BABAM2: variants seen among roughly 807,000 people sequenced by gnomAD.
BABAM2 encodes the protein BRISC and BRCA1-A complex member 2.
Under a neutral mutation model 54.7 loss-of-function variants are expected in BABAM2, and 31 were observed. That is an observed-to-expected ratio of 0.57 (90% CI 0.43 to 0.77). The LOEUF is 0.77. BABAM2 is among the 30% of genes least tolerant of loss of function. The probability of loss-of-function intolerance (pLI) is 0.00; values close to 1 mark genes in which losing one functional copy is unlikely to be tolerated. For missense variants in BABAM2, 364 were observed against 455.8 expected (o/e 0.80, Z 1.83); for synonymous variants, 167 against 162.9 (o/e 1.03, Z -0.19).
intron 5 of BABAM2, among the ~76,000 whole-genome samples, chr2:28,035,238 C>T (rs1449066601): frequency 6.6e-6 from 1 of 151,978 alleles, no homozygotes; most frequent in Non-Finnish European, 1.5e-5. Flanking sequence ...CACATTTGTA[C>T]TTTGCATTAT....
intron 3 of BABAM2, among the ~76,000 whole-genome samples, chr2:27,982,844 T>TATACAC (rs1553405520): frequency 0.028 from 3,504 of 127,188 alleles, 53 homozygotes; most frequent in African/African-American, 0.046. Context: ...TCATTATGTG[T>TATACAC]ACACACACAC....
chr2:28,271,377 C>T (rs192496700), intron 10 of BABAM2, among the ~76,000 whole-genome samples: 2 of 152,228 alleles, frequency 1.3e-5, no homozygotes, highest in Non-Finnish European at 2.9e-5. Context: ...CAAGGATTCC[C>T]CAGCCAGTCA....
chr2:27,997,827 C>T (rs947819467), intron 4 of BABAM2, among the ~76,000 whole-genome samples: 12 of 151,998 alleles, frequency 7.9e-5, no homozygotes, highest in African/African-American at 2.2e-4. Context: ...AAATGAGGTA[C>T]GGAGTTGAGT....
At chr2:28,105,606 A>G (rs540835601) in intron 6 of BABAM2, among the ~76,000 whole-genome samples, 1 of 152,364 alleles carries the variant, frequency 6.6e-6, no homozygotes, top group Non-Finnish European at 1.5e-5. Context: ...AAATAGAAAT[A>G]ATAACAGTAT....
chr2:27,981,260 A>G (rs1429829836), intron 3 of BABAM2, among the ~76,000 whole-genome samples: 3 of 152,140 alleles, frequency 2.0e-5, no homozygotes, highest in Non-Finnish European at 2.9e-5. Context: ...CTGTGTCACA[A>G]CTATTCAGTA....
In BABAM2 at chr2:28,148,258, T is replaced by A. The variant is rs542560712; in HGVS notation, c.680+18878T>A. Among the ~76,000 whole-genome samples, 3 of 152,334 alleles carry A rather than the reference T, an allele frequency of 2.0e-5. No individual in the cohort carries two copies. The South Asian group carries it at 6.2e-4, about 32-fold the overall frequency. On this transcript the variant is annotated intron_variant, in intron 7 of 11. Coordinates refer to ENST00000379624, the MANE Select transcript of BABAM2 (RefSeq NM_199191.3). ...TGGCCCCTTCCCTGATGTGATGCCC[T>A]TTGAATGGGCTCCTCAGAGGCATGT... is the stretch of plus-strand genomic sequence containing the variant.
In BABAM2 at chr2:28,014,682, TA is replaced by T. The variant is rs1254409266; in HGVS notation, c.301-10541del. On this transcript the variant is annotated intron_variant, in intron 4 of 11. Transcript: ENST00000379624. ...ATATGAAGCTGGTTTTTTTTTTTTT[TA>T]AATCAAAACCCTGCATTTTACATGC... 1.0e-4 allele frequency among the ~76,000 whole-genome samples: 15 copies of T among 149,938 alleles called. No homozygotes were observed. In the South Asian group the frequency reaches 2.3e-3, roughly 23 times the overall value.
chr2:28,019,395 T>A (rs903952542), intron 4 of BABAM2, among the ~76,000 whole-genome samples: 3 of 152,096 alleles, frequency 2.0e-5, no homozygotes, highest in Non-Finnish European at 4.4e-5. Context: ...GGATATTAGT[T>A]GTTTGTCAGA....
chr2:28,138,470 A>G (rs1415426547), intron 7 of BABAM2, among the ~76,000 whole-genome samples: 2 of 152,178 alleles, frequency 1.3e-5, no homozygotes, highest in Non-Finnish European at 2.9e-5. Flanking sequence ...AAAAGTTTAA[A>G]TATAGTTTGG....
chr2:28,237,359 G>A (rs987899792), intron 8 of BABAM2, 58 bp downstream of exon 8: 16 of 1,483,190 alleles, frequency 1.1e-5, no homozygotes, highest in Middle Eastern at 1.7e-4. Flanking sequence ...AGTCCACCAC[G>A]TACCCAAAAT....
intron 6 of BABAM2, among the ~76,000 whole-genome samples, chr2:28,073,470 C>T (rs892139030): frequency 2.6e-5 from 4 of 152,166 alleles, no homozygotes; most frequent in African/African-American, 7.2e-5. Flanking sequence ...TGCACTCCAG[C>T]CTGGATGACA....
intron 10 of BABAM2, among the ~76,000 whole-genome samples, chr2:28,295,860 C>A (rs1687649304): frequency 1.3e-5 from 2 of 152,080 alleles, no homozygotes; most frequent in Admixed American, 1.3e-4. Context: ...GTAATCCCAG[C>A]ACTTTGGGAG....
chr2:27,915,227 C>G (rs2148315851), intron 2 of BABAM2, among the ~76,000 whole-genome samples: 1 of 152,088 alleles, frequency 6.6e-6, no homozygotes, highest in East Asian at 1.9e-4. Context: ...AAATTATTGC[C>G]CCAGTGAAGT....
chr2:28,226,883 A>T (rs776016002), intron 7 of BABAM2, among the ~76,000 whole-genome samples: 5 of 151,886 alleles, frequency 3.3e-5, no homozygotes, highest in African/African-American at 1.2e-4. Flanking sequence ...AGGCCAATTG[A>T]CTATGGGGTG....
At chr2:28,223,841 T>A (rs1450019630) in intron 7 of BABAM2, among the ~76,000 whole-genome samples, 2 of 152,182 alleles carry the variant, frequency 1.3e-5, no homozygotes, top group Admixed American at 1.3e-4. Flanking sequence ...ATGAGCTTTT[T>A]TCCTTCTTTT....
intron 6 of BABAM2, among the ~76,000 whole-genome samples, chr2:28,048,783 A>G (rs2148617360): frequency 6.6e-6 from 1 of 152,322 alleles, no homozygotes; most frequent in East Asian, 1.9e-4. Context: ...AAGTGCAAGT[A>G]TTCTCTACAG....
intron 3 of BABAM2, among the ~76,000 whole-genome samples, chr2:27,960,048 T>A (rs1227231569): frequency 6.6e-6 from 1 of 152,178 alleles, no homozygotes; most frequent in East Asian, 1.9e-4. Flanking sequence ...TTTCCCCACT[T>A]CATCTTCTGT....
intron 7 of BABAM2, among the ~76,000 whole-genome samples, chr2:28,229,626 C>T (rs1369522812): frequency 1.3e-5 from 2 of 151,718 alleles, no homozygotes; most frequent in Non-Finnish European, 2.9e-5. Context: ...GCTCTGTCAC[C>T]CAAGCTGGAG....
At chr2:28,287,427 A>C (rs1686917448) in intron 10 of BABAM2, among the ~76,000 whole-genome samples, 1 of 152,202 alleles carries the variant, frequency 6.6e-6, no homozygotes, top group South Asian at 2.1e-4. Context: ...TCATAAAAGC[A>C]TGTTTCTTTG....
Sources: gnomAD v4.1 joint callset for allele counts (sites outside exome capture counted in the v4.1 genomes callset) on GRCh38, gnomAD v4.1.1 for gene constraint, MANE v1.5 for transcripts, NCBI Gene and HGNC (gene_info 2026-07-23, HGNC 2026-07-21) for gene names.